Variants in DDX4 observed in about 807,000 individuals in gnomAD.
The protein encoded by DDX4 is DEAD-box helicase 4.
DDX4 carries 25 observed loss-of-function variants against 100.0 expected under a neutral mutation model. That is an observed-to-expected ratio of 0.25 (90% CI 0.18 to 0.35). The LOEUF (loss-of-function observed/expected upper bound fraction) is 0.35, where lower values mean the gene tolerates loss of function less well. Ranked by LOEUF, DDX4 falls within the 10% of genes least tolerant of loss-of-function variation. The pLI is 1.00. For synonymous variants in DDX4, 259 were observed against 275.7 expected (o/e 0.94, Z 0.60); for missense variants, 635 against 882.4 (o/e 0.72, Z 3.55).
intron 3 of DDX4, among the ~76,000 whole-genome samples, chr5:55,753,652 C>A (rs1412073662): frequency 6.8e-6 from 1 of 147,398 alleles, no homozygotes; most frequent in Admixed American, 6.8e-5. Flanking sequence ...CTTGGCGATG[C>A]GGGCTCTTTT....
In DDX4 at chr5:55,803,530, G is replaced by A. The variant is rs565497267; in HGVS notation, c.1615+4959G>A. On this transcript the variant is annotated intron_variant, in intron 18 of 21. Transcript: ENST00000505374. ...GTGATGTTCCCCTTCCTGTGTCCAT[G>A]TGTTCTCATTGTTCAATTCCCACCT... is the stretch of plus-strand genomic sequence containing the variant. Among the ~76,000 whole-genome samples the A allele has an allele frequency of 7.9e-5, 10 of 126,984 alleles. No individual in the cohort carries two copies. In the South Asian group the frequency reaches 2.3e-3, roughly 29 times the overall value. 83.3% of individuals were successfully genotyped at this position (126,984 alleles called of 152,430 possible).
At chr5:55,811,418 ATTAT>A (rs1269366111) in intron 18 of DDX4, among the ~76,000 whole-genome samples, 3 of 152,154 alleles carry the variant, frequency 2.0e-5, no homozygotes, top group Admixed American at 6.5e-5. Flanking sequence ...TATACTAAGA[ATTAT>A]TTATTTTAAT....
At chr5:55,766,007 C>A (rs1375474492) in intron 6 of DDX4, among the ~76,000 whole-genome samples, 1 of 143,068 alleles carries the variant, frequency 7.0e-6, no homozygotes, top group East Asian at 2.0e-4. Context: ...TTAGTAGAGA[C>A]GGGGTTTCGT....
chr5:55,816,104 T>C (rs760591241), intron 21 of DDX4, among the ~76,000 whole-genome samples: 49 of 152,140 alleles, frequency 3.2e-4, no homozygotes, highest in Non-Finnish European at 5.4e-4. Flanking sequence ...ACAAGTCTTT[T>C]CTGGTATGTC....
intron 3 of DDX4, among the ~76,000 whole-genome samples, chr5:55,748,247 C>G (rs1181714909): frequency 6.6e-6 from 1 of 152,218 alleles, no homozygotes; most frequent in Non-Finnish European, 1.5e-5. Flanking sequence ...AATTTTGCTT[C>G]TACCATATAA....
Position 55,815,298 on chromosome 5 carries a change from C to A in DDX4, c.1987-15C>A. The A allele has an allele frequency of 1.2e-6, 2 of 1,604,264 alleles. No homozygotes were observed. Among genetic ancestry groups the A allele is most frequent in the South Asian group, 2.3e-5 (2 of 88,330 alleles). On this transcript the variant is annotated splice_polypyrimidine_tract_variant and intron_variant, in intron 20 of 21. Transcript: ENST00000505374. ...TAATACTTTATGTTGCATATGAAGT[C>A]AATTTTTTTTAAAGGCTCAACAGGA...
intron 2 of DDX4, among the ~76,000 whole-genome samples, chr5:55,741,585 C>T (rs563394505): frequency 6.6e-6 from 1 of 152,170 alleles, no homozygotes; most frequent in South Asian, 2.1e-4. Flanking sequence ...GCCAGGAGTT[C>T]GAGACCAGCC....
Position 55,778,918 on chromosome 5 carries a change from G to A in DDX4, c.395-1046G>A, listed in dbSNP as rs116705166. 4.4e-3 allele frequency among the ~76,000 whole-genome samples: 659 copies of A among 151,400 alleles called. 6 individuals carry two copies. The highest frequency in any genetic ancestry group is 0.014 in the African/African-American group (573 of 41,276). ...CAAAAAAAAAAAAGATGTGGAAGACGATAAGTTCCATTTAGTTCGTAAAAC... is the reference window on the plus strand; with the variant it reads ...CAAAAAAAAAAAAGATGTGGAAGACAATAAGTTCCATTTAGTTCGTAAAAC... On this transcript the variant is annotated intron_variant, in intron 7 of 21. Transcript: ENST00000505374.
intron 18 of DDX4, among the ~76,000 whole-genome samples, chr5:55,799,704 T>C (rs948493576): frequency 4.6e-5 from 7 of 152,196 alleles, no homozygotes; most frequent in Admixed American, 3.3e-4. Context: ...TCATTTTTTT[T>C]AGTTCGGTTG....
chr5:55,752,349 A>G, intron 3 of DDX4, among the ~76,000 whole-genome samples: 1 of 112,394 alleles, frequency 8.9e-6, no homozygotes, highest in East Asian at 2.9e-4. Context: ...CCACCCCACA[A>G]CAGTCCCCAG....
intron 3 of DDX4, among the ~76,000 whole-genome samples, chr5:55,759,711 A>T (rs760574148): frequency 6.6e-6 from 1 of 152,188 alleles, no homozygotes; most frequent in Non-Finnish European, 1.5e-5. Flanking sequence ...GTCTGTCTGG[A>T]TAACCATGTG....
intron 17 of DDX4, among the ~76,000 whole-genome samples, chr5:55,794,068 T>C (rs1360894732): frequency 1.3e-5 from 2 of 152,224 alleles, no homozygotes; most frequent in African/African-American, 4.8e-5. Flanking sequence ...GGAAGAGTTC[T>C]TTATTGGGGG....
At chr5:55,792,422 G>A (rs1446334580) in intron 16 of DDX4, among the ~76,000 whole-genome samples, 5 of 150,466 alleles carry the variant, frequency 3.3e-5, no homozygotes, top group Non-Finnish European at 5.9e-5. Flanking sequence ...GTGCAGTGGC[G>A]CGATCTTGCT....
chr5:55,771,260 T>C (rs1052844772), intron 7 of DDX4, among the ~76,000 whole-genome samples: 1 of 152,172 alleles, frequency 6.6e-6, no homozygotes, highest in Non-Finnish European at 1.5e-5. Context: ...TACAAATTAC[T>C]GGCACCTCAA....
At chr5:55,777,531 T>G (rs1372189272) in intron 7 of DDX4, 1 of 152,164 alleles carries the variant, frequency 6.6e-6, no homozygotes, top group Non-Finnish European at 1.5e-5. Context: ...TAAGCAGGGT[T>G]GGACCTGGTT....
In DDX4 at chr5:55,785,329, A is replaced by T. The variant is rs1431751710; in HGVS notation, c.658A>T (p.Thr220Ser). The change falls in exon 11 of 22, where the codon ACA becomes TCA. Residue 220 changes from threonine (T) to serine (S), a missense_variant. By Grantham distance (58) the Thr-to-Ser change is moderately conservative. Coordinates refer to ENST00000505374, the MANE Select transcript of DDX4 (RefSeq NM_024415.3). The part of the protein sequence containing the change: ...GYKGLNEEVI[T>S]GSGKNSWKSE... The stretch of plus-strand genomic sequence containing the variant: ...CAAAGGTTTAAATGAAGAAGTAATA[A>T]CAGGCTCTGGAAAGAGTAAGTTTTC... 6.2e-7 allele frequency: 1 copy of T among 1,605,816 alleles called. No homozygotes were observed. The highest frequency in any genetic ancestry group is 1.1e-5 in the South Asian group (1 of 90,626).
At chr5:55,766,712 A>C (rs944401975) in intron 6 of DDX4, among the ~76,000 whole-genome samples, 1 of 152,164 alleles carries the variant, frequency 6.6e-6, no homozygotes, top group Non-Finnish European at 1.5e-5. Flanking sequence ...GAACTTAGCT[A>C]ATAACCTGCA....
chr5:55,762,064 T>C (rs1043484222), intron 4 of DDX4, among the ~76,000 whole-genome samples: 2 of 152,204 alleles, frequency 1.3e-5, no homozygotes, highest in Non-Finnish European at 2.9e-5. Context: ...TCACACATCT[T>C]TGAAATCTGA....
At chr5:55,750,632 G>A (rs1027137999) in intron 3 of DDX4, among the ~76,000 whole-genome samples, 1 of 152,074 alleles carries the variant, frequency 6.6e-6, no homozygotes, top group East Asian at 1.9e-4. Context: ...TTTCTTCATT[G>A]GAACTCCATA....
Sources: allele counts gnomAD v4.1 joint callset (sites outside exome capture counted in the v4.1 genomes callset), GRCh38; gene constraint gnomAD v4.1.1; transcripts MANE v1.5; gene names NCBI Gene and HGNC (gene_info 2026-07-23, HGNC 2026-07-21).